RAB38: variants seen among roughly 807,000 people sequenced by gnomAD.
The protein encoded by RAB38 is ras-related protein Rab-38.
In RAB38, 15 loss-of-function variants were observed where a neutral mutation model predicts 18.4. The observed-to-expected ratio is 0.82, with a 90% CI of 0.55 to 1.26. The LOEUF (loss-of-function observed/expected upper bound fraction) is 1.26, where lower values mean the gene tolerates loss of function less well. Ranked by LOEUF, RAB38 falls within the 50% of genes most tolerant of loss-of-function variation. The pLI is 0.00. For synonymous variants in RAB38, 101 were observed against 104.4 expected, an observed-to-expected ratio of 0.97 and a Z score of 0.20; for missense variants, 294 against 267.4, an observed-to-expected ratio of 1.10 and a Z score of -0.69.
intron 1 of RAB38, chr11:88,166,690 G>A (rs1943249443): frequency 6.6e-6 from 1 of 152,052 alleles, no homozygotes; most frequent in African/African-American, 2.4e-5. Flanking sequence ...AAATTATGGA[G>A]ACTGTTAAAT....
At chr11:88,082,608 T>C in the RAB38 span, among the ~76,000 whole-genome samples, 7 of 152,008 alleles carry the variant, frequency 4.6e-5, no homozygotes, top group East Asian at 1.2e-3. Flanking sequence ...ATCCAAAACA[T>C]AGGAGTCATC....
chr11:88,030,143 G>A, the RAB38 span, among the ~76,000 whole-genome samples: 1 of 152,100 alleles, frequency 6.6e-6, no homozygotes, highest in Non-Finnish European at 1.5e-5. Flanking sequence ...GGTACATAAC[G>A]AAATGAAGGC....
chr11:88,062,655 A>T, the RAB38 span, among the ~76,000 whole-genome samples: 9 of 152,222 alleles, frequency 5.9e-5, no homozygotes, highest in Non-Finnish European at 1.2e-4. Context: ...TCTTTAATTA[A>T]TCTGAAGAAG....
intron 2 of RAB38, 122 bp downstream of exon 2, chr11:88,149,553 A>T (rs924475341): frequency 3.5e-5 from 40 of 1,159,130 alleles, no homozygotes; most frequent in Admixed American, 1.6e-4. Flanking sequence ...AGCTTAGAGC[A>T]ATGTGAAAAC....
the RAB38 span, among the ~76,000 whole-genome samples, chr11:87,973,521 G>A: frequency 2.6e-5 from 4 of 151,988 alleles, no homozygotes; most frequent in African/African-American, 9.7e-5. Flanking sequence ...CCTGTCTACG[G>A]TGCTGGAGAC....
the RAB38 span, among the ~76,000 whole-genome samples, chr11:88,032,153 G>T: frequency 6.6e-6 from 1 of 151,870 alleles, no homozygotes; most frequent in African/African-American, 2.4e-5. Flanking sequence ...TTAATAAATG[G>T]TGCTGGGAAA....
chr11:87,843,128 G>A, the RAB38 span, among the ~76,000 whole-genome samples: 2 of 152,116 alleles, frequency 1.3e-5, no homozygotes, highest in Non-Finnish European at 2.9e-5. Flanking sequence ...ACTGAGAGGT[G>A]GGCGCACAAA....
At chr11:87,850,458 A>C in the RAB38 span, among the ~76,000 whole-genome samples, 1 of 152,022 alleles carries the variant, frequency 6.6e-6, no homozygotes, top group African/African-American at 2.4e-5. Context: ...TTCCTTGTAA[A>C]GCAGAGAGCG....
At chr11:87,810,233 T>G in the RAB38 span, among the ~76,000 whole-genome samples, 1 of 152,302 alleles carries the variant, frequency 6.6e-6, no homozygotes, top group South Asian at 2.1e-4. Context: ...CACTATAAAC[T>G]TGCTTCAATT....
At chr11:87,836,867 C>T in the RAB38 span, among the ~76,000 whole-genome samples, 2 of 152,104 alleles carry the variant, frequency 1.3e-5, no homozygotes, top group Non-Finnish European at 2.9e-5. Context: ...CTTTAAATTC[C>T]CACTGTCTGG....
the RAB38 span, among the ~76,000 whole-genome samples, chr11:87,931,826 C>T: frequency 3.3e-5 from 5 of 151,694 alleles, no homozygotes; most frequent in Non-Finnish European, 4.4e-5. Flanking sequence ...TGGACAAGAA[C>T]AAAATGAGAT....
the RAB38 span, among the ~76,000 whole-genome samples, chr11:88,070,300 C>T: frequency 6.6e-6 from 1 of 152,148 alleles, no homozygotes; most frequent in South Asian, 2.1e-4. Flanking sequence ...AGGTCTGCAG[C>T]TTCACTCCTG....
the RAB38 span, among the ~76,000 whole-genome samples, chr11:87,889,734 C>T: frequency 1.3e-5 from 2 of 151,646 alleles, no homozygotes; most frequent in Admixed American, 6.6e-5. Flanking sequence ...ACTTCAAAGC[C>T]CATATTCTTT....
chr11:87,845,118 A>G, the RAB38 span, among the ~76,000 whole-genome samples: 1 of 152,222 alleles, frequency 6.6e-6, no homozygotes, highest in African/African-American at 2.4e-5. Flanking sequence ...CTAATACAAA[A>G]GTAACAACAT....
At chr11:87,955,929 G>T in the RAB38 span, among the ~76,000 whole-genome samples, 1 of 150,946 alleles carries the variant, frequency 6.6e-6, no homozygotes, top group Non-Finnish European at 1.5e-5. Flanking sequence ...AGAAAATATT[G>T]TATTTTCTCT....
At chr11:87,847,891 G>A in the RAB38 span, among the ~76,000 whole-genome samples, 1 of 152,026 alleles carries the variant, frequency 6.6e-6, no homozygotes, top group Non-Finnish European at 1.5e-5. Context: ...AATATAATAT[G>A]GGGCAGAATA....
chr11:87,930,103 T>C, the RAB38 span, among the ~76,000 whole-genome samples: 24 of 152,262 alleles, frequency 1.6e-4, no homozygotes, highest in African/African-American at 4.3e-4. Context: ...CTGGGTCAAA[T>C]GGTATTTCTA....
chr11:87,958,009 C>G, the RAB38 span, among the ~76,000 whole-genome samples: 1 of 152,118 alleles, frequency 6.6e-6, no homozygotes, highest in Non-Finnish European at 1.5e-5. Context: ...ATTCGACTTA[C>G]GATTTTTGAC....
the RAB38 span, among the ~76,000 whole-genome samples, chr11:87,925,969 C>T: frequency 6.6e-6 from 1 of 151,886 alleles, no homozygotes; most frequent in Non-Finnish European, 1.5e-5. Flanking sequence ...ACAGCAATGT[C>T]TTAGTGAAGC....
Sources: allele counts gnomAD v4.1 joint callset (sites outside exome capture counted in the v4.1 genomes callset), GRCh38; gene constraint gnomAD v4.1.1; transcripts MANE v1.5; gene names NCBI Gene and HGNC (gene_info 2026-07-23, HGNC 2026-07-21).